MPV17: variants seen among roughly 807,000 people sequenced by gnomAD.
The protein encoded by MPV17 is MPV17, mitochondrial inner membrane protein.
Under a neutral mutation model 28.6 loss-of-function variants are expected in MPV17, and 31 were observed. The ratio of observed to expected loss-of-function variants is 1.08; its 90% CI spans 0.81 to 1.46. The LOEUF is 1.46. Among genes scored for constraint, MPV17 ranks in the 40% most tolerant of loss-of-function variants. The pLI, the probability that MPV17 is intolerant of heterozygous loss-of-function variation, is 0.00. For missense variants in MPV17, 198 were observed against 216.2 expected (o/e 0.92, Z 0.53); for synonymous variants, 87 against 85.3 (o/e 1.02, Z -0.11).
At chr2:27,316,958 GAGC>G (rs758926197) in intron 2 of MPV17, 10 of 977,520 alleles carry the variant, frequency 1.0e-5, no homozygotes, top group Non-Finnish European at 1.1e-5. Flanking sequence ...GCCTGCCTCT[GAGC>G]AGATCAATTT....
intron 2 of MPV17, chr2:27,313,536 C>T (rs1282132922): frequency 2.6e-6 from 1 of 381,218 alleles, no homozygotes; most frequent in African/African-American, 2.0e-5. Context: ...AAGTGCAGGG[C>T]CAATGCAACA....
At chr2:27,312,408 C>T (rs1437820272) in intron 5 of MPV17, 86 bp downstream of exon 5, 1 of 1,493,610 alleles carries the variant, frequency 6.7e-7, no homozygotes, top group Non-Finnish European at 9.3e-7. Flanking sequence ...GCACTTACCC[C>T]CTTTTTTATC....
chr2:27,313,081 G>A lies in MPV17; in HGVS notation c.99C>T (p.Ile33=). The change falls in exon 3 of 8, where the codon ATC becomes ATT. Residue 33 remains isoleucine (I), a synonymous_variant. Transcript: ENST00000380044. ...CCCGCCTCTCCACCAGCTGCTGTGA[G>A]ATAATGTCACCCAGGCCCATCAGGG... ...AGSLMGLGDI[I]SQQLVERRGL... 1.9e-6 allele frequency: 3 copies of A among 1,614,200 alleles called. No individual in the cohort carries two copies. The highest frequency in any genetic ancestry group is 2.5e-6 in the Non-Finnish European group (3 of 1,180,054).
chr2:27,311,845 C>T, intron 7 of MPV17, 54 bp downstream of exon 7: 1 of 1,603,324 alleles, frequency 6.2e-7, no homozygotes, highest in Non-Finnish European at 8.5e-7. Context: ...ATTTTGTCTC[C>T]AACTGTTGGT....
At chr2:27,315,405 G>C (rs988771869) in intron 2 of MPV17, among the ~76,000 whole-genome samples, 5 of 152,212 alleles carry the variant, frequency 3.3e-5, no homozygotes, top group Non-Finnish European at 7.3e-5. Flanking sequence ...AGAAGGCCAG[G>C]GGATGGTGAG....
At chr2:27,315,356 G>C (rs1251400145) in intron 2 of MPV17, among the ~76,000 whole-genome samples, 1 of 152,210 alleles carries the variant, frequency 6.6e-6, no homozygotes, top group Non-Finnish European at 1.5e-5. Context: ...GGATGAGAGG[G>C]AGCTGCTGCA....
At position 27,312,395 on chromosome 2, in the gene MPV17, C is replaced by A; in HGVS notation, c.375+99G>T. ...CTCTCCTCCATGGCCTGGGGCCCTA[C>A]CTGCACTTACCCCCTTTTTTATCCC... is the stretch of plus-strand genomic sequence containing the variant. On this transcript the variant is annotated intron_variant, in intron 5 of 7. Transcript: ENST00000380044. The A allele has an allele frequency of 2.1e-6, 3 of 1,454,464 alleles. No homozygotes were observed. The South Asian group carries it at 3.4e-5, about 17-fold the overall frequency. The allele number at this position is 1,454,464 out of a possible 1,614,324, so 90.1% of individuals were successfully genotyped here. A position where few individuals can be genotyped will look rare whatever the true frequency, so the allele number is the denominator to read the frequency against.
intron 2 of MPV17, among the ~76,000 whole-genome samples, chr2:27,316,460 C>T: frequency 6.6e-6 from 1 of 152,090 alleles, no homozygotes; most frequent in Non-Finnish European, 1.5e-5. Flanking sequence ...AGAGTGGTGC[C>T]CAGGGATTCC....
In MPV17 at chr2:27,316,516, G is replaced by T. The variant is rs1230204542; in HGVS notation, c.71-3407C>A. Among the ~76,000 whole-genome samples the T allele has an allele frequency of 3.3e-5, 5 of 152,290 alleles. No individual in the cohort carries two copies. In the East Asian group the frequency reaches 9.7e-4, roughly 29 times the overall value. On this transcript the variant is annotated intron_variant, in intron 2 of 7. Coordinates refer to ENST00000380044, the MANE Select transcript of MPV17 (RefSeq NM_002437.5). ...CCCCCTGTGCCTGCAGCAACTCCAA[G>T]GTGGTATAAGGCTTTGGAGCAAGCA...
In MPV17 at chr2:27,311,968, A is replaced by G. The variant is rs1221177319; in HGVS notation, c.409-17T>C. ...AGGCCATAGCTGCAAGAGAAAATGT[A>G]AAGGTTGGATGGCTGCCCCACCACC... On this transcript the variant is annotated splice_polypyrimidine_tract_variant and intron_variant, in intron 6 of 7. Transcript: ENST00000380044. 1 of 1,612,740 alleles carries G rather than the reference A, an allele frequency of 6.2e-7. No individual in the cohort carries two copies. Among genetic ancestry groups the G allele is most frequent in the South Asian group, 1.1e-5 (1 of 90,582 alleles).
At chr2:27,313,308 C>T in intron 2 of MPV17, 199 bp from the exon 3 acceptor site, 1 of 1,257,396 alleles carries the variant, frequency 8.0e-7, no homozygotes, top group Non-Finnish European at 1.1e-6. Flanking sequence ...CATGTGTATT[C>T]TGTCAGAAAC....
chr2:27,311,450 C>T (rs1679436405), intron 7 of MPV17: 1 of 811,658 alleles, frequency 1.2e-6, no homozygotes, highest in East Asian at 2.7e-5. Context: ...TCCCACGATC[C>T]TTCACCTTCA....
chr2:27,317,099 T>C lies in MPV17; in HGVS notation c.71-3990A>G, dbSNP rs1679684580. On this transcript the variant is annotated intron_variant, in intron 2 of 7. Coordinates refer to ENST00000380044, the MANE Select transcript of MPV17 (RefSeq NM_002437.5). This position sits in a 1 kb window ranked among gnomAD's most constrained non-coding sequence, Gnocchi z 4.0. ...TTACTTTTGTGGCTTTTGAGTTTCA[T>C]GCGCAGAAGGCAGAGGGGCAAGAAG... 2.6e-6 allele frequency: 4 copies of C among 1,548,998 alleles called. No individual in the cohort carries two copies. The highest frequency in any genetic ancestry group is 2.7e-5 in the African/African-American group (2 of 72,946).
Position 27,313,021 on chromosome 2 carries a change from G to A in MPV17, c.159C>T (p.Thr53=), listed in dbSNP as rs781100178. The change falls in exon 3 of 8, where the codon ACC becomes ACT. Residue 53 remains threonine (T), a synonymous_variant. Transcript: ENST00000380044. ...CAAAGCCACAGCCCAGGGACACCAT[G>A]GTCAGAGTCCGGCCTCTCTGGTGTT... ...LQEHQRGRTL[T]MVSLGCGFVG... is the part of the protein sequence containing the mutation. 4 of 1,614,194 alleles carry A rather than the reference G, an allele frequency of 2.5e-6. No individual in the cohort carries two copies. Among genetic ancestry groups the A allele is most frequent in the Non-Finnish European group, 2.5e-6 (3 of 1,180,036 alleles).
At chr2:27,316,103 A>G in intron 2 of MPV17, 4 of 1,550,838 alleles carry the variant, frequency 2.6e-6, no homozygotes, top group Non-Finnish European at 3.5e-6. Context: ...CCCTAGACTA[A>G]TGCACTTCCT....
chr2:27,310,570 C>T (rs1300410058), intron 7 of MPV17, among the ~76,000 whole-genome samples: 1 of 152,198 alleles, frequency 6.6e-6, no homozygotes, highest in African/African-American at 2.4e-5. Flanking sequence ...ATCTGGGCCC[C>T]TTCTAAGTTC....
In MPV17 at chr2:27,317,357, T is replaced by C; in HGVS notation, c.71-4248A>G. 1 of 857,654 alleles carries C rather than the reference T, an allele frequency of 1.2e-6. No homozygotes were observed. Among genetic ancestry groups the C allele is most frequent in the Non-Finnish European group, 1.7e-6 (1 of 583,924 alleles). The allele number at this position is 857,654 out of a possible 1,614,324, so 53.1% of individuals were successfully genotyped here. On this transcript the variant is annotated intron_variant, in intron 2 of 7. Coordinates refer to ENST00000380044, the MANE Select transcript of MPV17 (RefSeq NM_002437.5). This position sits in a 1 kb window ranked among gnomAD's most constrained non-coding sequence, Gnocchi z 4.0. ...GGATTATTCTGAATGCTCTCCCATT[T>C]CTGACCTGAACCCATCCTACTGCTA...
chr2:27,311,222 G>A (rs929109289), intron 7 of MPV17: 1 of 196,542 alleles, frequency 5.1e-6, no homozygotes, highest in Non-Finnish European at 1.0e-5. Context: ...CATGTGACTG[G>A]CTAATTTTTT....
rs1679696000 is a variant in MPV17, at chr2:27,317,416, G to A, written c.71-4307C>T. Among the ~76,000 whole-genome samples, 1 of 152,212 alleles carries A rather than the reference G, an allele frequency of 6.6e-6. No individual in the cohort carries two copies. The highest frequency in any genetic ancestry group is 1.5e-5 in the Non-Finnish European group (1 of 68,042). The stretch of plus-strand genomic sequence containing the variant: ...GACAAAACGGGTAGTTTTGCAGCTT[G>A]TTACGTATCTAAGCTCAGATCAGCT... On this transcript the variant is annotated intron_variant, in intron 2 of 7. Transcript: ENST00000380044. This position sits in a 1 kb window ranked among gnomAD's most constrained non-coding sequence, Gnocchi z 4.0.
Sources: allele counts gnomAD v4.1 joint callset (sites outside exome capture counted in the v4.1 genomes callset), GRCh38; gene constraint gnomAD v4.1.1; non-coding constraint Gnocchi (gnomAD v3.1); transcripts MANE v1.5; gene names NCBI Gene and HGNC (gene_info 2026-07-23, HGNC 2026-07-21).